Variants in GPRC6A observed in about 807,000 individuals in gnomAD.
GPRC6A encodes G protein-coupled receptor class C group 6 member A.
Under a neutral mutation model 47.0 loss-of-function variants are expected in GPRC6A, and 54 were observed. The observed-to-expected ratio is 1.15, with a 90% confidence interval of 0.92 to 1.44. GPRC6A has a LOEUF of 1.44. Ranked by LOEUF, GPRC6A falls within the 40% of genes most tolerant of loss-of-function variation. The probability of loss-of-function intolerance (pLI) is 0.00; values close to 1 mark genes in which losing one functional copy is unlikely to be tolerated. For synonymous variants in GPRC6A, 347 were observed against 377.1 expected, an observed-to-expected ratio of 0.92 and a Z score of 0.93; for missense variants, 1,112 against 1,105.5, an observed-to-expected ratio of 1.01 and a Z score of -0.08.
intron 3 of GPRC6A, 121 bp downstream of exon 3, chr6:116,806,247 AGT>A (rs1432180380): frequency 3.0e-6 from 2 of 658,564 alleles, no homozygotes; most frequent in African/African-American, 3.6e-5. Flanking sequence ...AAACACTGAA[AGT>A]GTCTATTTAT....
chr6:116,803,116 T>G (rs576114882), intron 3 of GPRC6A, among the ~76,000 whole-genome samples: 3 of 152,112 alleles, frequency 2.0e-5, no homozygotes, highest in Non-Finnish European at 4.4e-5. Context: ...GCTTGACAAA[T>G]GACACCAGTT....
chr6:116,813,498 G>T (rs1773097703), intron 1 of GPRC6A, among the ~76,000 whole-genome samples: 1 of 152,088 alleles, frequency 6.6e-6, no homozygotes, highest in African/African-American at 2.4e-5. Flanking sequence ...ATAAAAATAA[G>T]AAACAGGGAA....
In GPRC6A at chr6:116,813,005, A is replaced by G. The variant is rs188194735; in HGVS notation, c.195-3388T>C. On this transcript the variant is annotated intron_variant, in intron 1 of 5. Coordinates refer to ENST00000310357, the MANE Select transcript of GPRC6A (RefSeq NM_148963.4). ...ACAAATCATGAGTGAACTCCCATTC[A>G]CAATTGCTTCAAAGATAATAAAATA... is the stretch of plus-strand genomic sequence containing the variant. 5.0e-3 allele frequency among the ~76,000 whole-genome samples: 766 copies of G among 152,306 alleles called. 9 individuals are homozygous for G. The highest frequency in any genetic ancestry group is 0.017 in the African/African-American group (693 of 41,574).
intron 1 of GPRC6A, among the ~76,000 whole-genome samples, chr6:116,828,174 A>C (rs1773729937): frequency 6.6e-6 from 1 of 152,106 alleles, no homozygotes. Context: ...GAGAATTAGA[A>C]TATCCTGTTC....
Position 116,800,679 on chromosome 6 carries a change from G to A in GPRC6A, c.1453C>T (p.His485Tyr). ...TCTGCCATCTTAGTGACAGTCATGT[G>A]TCCATTGATCTCCTTCCAGAGCACA... ...DVVLWKEING[H>Y]MTVTKMAEYD... is the part of the protein sequence containing the mutation. Residue 485 changes from histidine (H) to tyrosine (Y), a missense_variant, in exon 4 of 6, where the codon CAC becomes TAC. Physicochemically the swap from His to Tyr is moderately conservative, Grantham distance 83 (BLOSUM62 2). Transcript: ENST00000310357. The A allele has an allele frequency of 6.2e-7, 1 of 1,611,014 alleles. No individual in the cohort carries two copies.
chr6:116,812,787 G>A (rs565977504), intron 1 of GPRC6A, among the ~76,000 whole-genome samples: 30 of 152,254 alleles, frequency 2.0e-4, no homozygotes, highest in African/African-American at 6.0e-4. Flanking sequence ...GAAATAAACG[G>A]TATTCAATTA....
At chr6:116,814,408 G>A (rs766074506) in intron 1 of GPRC6A, among the ~76,000 whole-genome samples, 1 of 152,186 alleles carries the variant, frequency 6.6e-6, no homozygotes, top group African/African-American at 2.4e-5. Flanking sequence ...TATACACCAT[G>A]GAGTACTATG....
At chr6:116,803,448 T>G (rs1280242839) in intron 3 of GPRC6A, among the ~76,000 whole-genome samples, 1 of 152,134 alleles carries the variant, frequency 6.6e-6, no homozygotes, top group East Asian at 1.9e-4. Context: ...CATTTCCATT[T>G]AAGGGGGAGT....
chr6:116,818,827 A>T (rs1773346608), intron 1 of GPRC6A, among the ~76,000 whole-genome samples: 1 of 152,058 alleles, frequency 6.6e-6, no homozygotes, highest in Non-Finnish European at 1.5e-5. Context: ...AGCTATCATT[A>T]TAATGACAGG....
chr6:116,805,724 GGTTTCTTT>G (rs1184606573), intron 3 of GPRC6A, among the ~76,000 whole-genome samples: 2 of 152,040 alleles, frequency 1.3e-5, no homozygotes, highest in African/African-American at 4.8e-5. Context: ...CACAATTGCT[GGTTTCTTT>G]AAACCTGGAA....
Position 116,828,906 on chromosome 6 carries a change from G to A in GPRC6A, c.108C>T (p.Ile36=), listed in dbSNP as rs865979898. 4 of 1,613,310 alleles carry A rather than the reference G, an allele frequency of 2.5e-6. No individual in the cohort carries two copies. The highest frequency in any genetic ancestry group is 3.4e-6 in the Non-Finnish European group (4 of 1,179,544). ...DFVAATSPGH[I]IIGGLFAIHE... is the part of the protein sequence containing the mutation. ...GAATAGCAAACAAACCTCCAATTAT[G>A]ATATGTCCCGGAGAAGTGGCAGCCA... is the stretch of plus-strand genomic sequence containing the variant. The change falls in exon 1 of 6, where the codon ATC becomes ATT. Residue 36 remains isoleucine (I), a synonymous_variant. Transcript: ENST00000310357.
intron 1 of GPRC6A, among the ~76,000 whole-genome samples, chr6:116,818,502 C>G (rs1361351824): frequency 1.0e-5 from 1 of 99,140 alleles, no homozygotes; most frequent in East Asian, 2.8e-4. Flanking sequence ...CCACTGCACT[C>G]CAGCCTGGGC....
At chr6:116,795,657 G>T in intron 5 of GPRC6A, 55 bp downstream of exon 5, 1 of 1,359,254 alleles carries the variant, frequency 7.4e-7, no homozygotes, top group South Asian at 1.9e-5. Flanking sequence ...TTCATGCAAA[G>T]AAAAAAAAAG....
chr6:116,813,156 C>T (rs1373831967), intron 1 of GPRC6A, among the ~76,000 whole-genome samples: 3 of 152,140 alleles, frequency 2.0e-5, no homozygotes, highest in Non-Finnish European at 2.9e-5. Context: ...ATAGAAGCAT[C>T]AATATCATGA....
Position 116,806,517 on chromosome 6 carries a change from G to A in GPRC6A, c.1188C>T (p.Phe396=), listed in dbSNP as rs201706176. 39 of 1,613,490 alleles carry A rather than the reference G, an allele frequency of 2.4e-5. No homozygotes were observed. The highest frequency in any genetic ancestry group is 1.2e-4 in the Admixed American group (7 of 59,870). The stretch of plus-strand genomic sequence containing the variant: ...CCCAGAGGAAGTCATTTCTCATGAC[G>A]AAGTTCCTTTCTATAGCCTTGTTAG... ...YKANKAIERN[F]VMRNDFLWDY... The change falls in exon 3 of 6, where the codon TTC becomes TTT. Residue 396 remains phenylalanine (F), a synonymous_variant. Coordinates refer to ENST00000310357, the MANE Select transcript of GPRC6A (RefSeq NM_148963.4).
At chr6:116,811,638 A>C (rs1439807532) in intron 1 of GPRC6A, among the ~76,000 whole-genome samples, 1 of 152,152 alleles carries the variant, frequency 6.6e-6, no homozygotes, top group Non-Finnish European at 1.5e-5. Flanking sequence ...GATATGAATG[A>C]GAAGTTTACC....
At chr6:116,826,970 TCTCA>T (rs1446639158) in intron 1 of GPRC6A, among the ~76,000 whole-genome samples, 2 of 152,004 alleles carry the variant, frequency 1.3e-5, no homozygotes, top group African/African-American at 4.8e-5. Context: ...TATCATATGT[TCTCA>T]CTCATATGTG....
In GPRC6A at chr6:116,806,978, C is replaced by T; in HGVS notation, c.727G>A (p.Glu243Lys). Residue 243 changes from glutamate to lysine, a missense_variant, in exon 3 of 6, where the codon GAG (glutamate) becomes AAG (lysine). Glu to Lys is a moderately conservative substitution (Grantham distance 56, BLOSUM62 1). Transcript: ENST00000310357. ...EANNVCIAFK[E>K]VLPAFLSDNT... ...TCTGAAAGAAAGGCTGGAAGAACCT[C>T]TTTGAAGGCTATGCACACGTTATTT... 1 of 1,613,624 alleles carries T rather than the reference C, an allele frequency of 6.2e-7. No individual in the cohort carries two copies. Among genetic ancestry groups the T allele is most frequent in the Non-Finnish European group, 8.5e-7 (1 of 1,179,722 alleles).
In GPRC6A at chr6:116,829,043, A is replaced by T. The variant is rs1249652045; in HGVS notation, c.-30T>A. Reference sequence around the variant, plus strand: ...CTATCTCATTTGCTCAGTTCATGTGAGTTCTTAGGAATCATTAAGTGCACG... The same window carrying T: ...CTATCTCATTTGCTCAGTTCATGTGTGTTCTTAGGAATCATTAAGTGCACG... On this transcript the variant is annotated 5_prime_UTR_variant, in exon 1 of 6. Coordinates refer to ENST00000310357, the MANE Select transcript of GPRC6A (RefSeq NM_148963.4). The T allele has an allele frequency of 1.3e-6, 2 of 1,576,984 alleles. No individual in the cohort carries two copies. Among genetic ancestry groups the T allele is most frequent in the African/African-American group, 2.7e-5 (2 of 73,652 alleles).
Sources: allele counts gnomAD v4.1 joint callset (sites outside exome capture counted in the v4.1 genomes callset), GRCh38; gene constraint gnomAD v4.1.1; transcripts MANE v1.5; gene names NCBI Gene and HGNC (gene_info 2026-07-23, HGNC 2026-07-21).